The following AGAP1 variants were observed in gnomAD, a reference collection of about 807,000 sequenced individuals.
AGAP1 encodes the protein ArfGAP with GTPase domain, ankyrin repeat and PH domain 1.
A neutral mutation model predicts 105.3 loss-of-function variants in AGAP1; 29 were observed. The observed-to-expected ratio is 0.28, with a 90% CI of 0.21 to 0.38. The LOEUF (loss-of-function observed/expected upper bound fraction) is 0.38, where lower values mean the gene tolerates loss of function less well. Ranked by LOEUF, AGAP1 falls within the 10% of genes least tolerant of loss-of-function variation. The pLI, the probability that AGAP1 is intolerant of heterozygous loss-of-function variation, is 1.00. For missense variants in AGAP1, 998 were observed against 1,165.1 expected (o/e 0.86, Z 2.09); for synonymous variants, 509 against 485.9 (o/e 1.05, Z -0.63).
chr2:235,888,755 G>A lies in AGAP1; in HGVS notation c.1155+5306G>A, dbSNP rs564103718. Among the ~76,000 whole-genome samples, 12 of 151,478 alleles carry A rather than the reference G, an allele frequency of 7.9e-5. No individual in the cohort carries two copies. Among genetic ancestry groups the A allele is most frequent in the South Asian group, 2.1e-4 (1 of 4,806 alleles). ...GGCAGGTACAGCATTTGTTGCTGTC[G>A]GGTAGAGCGGCCACCCACTGCCCCA... On this transcript the variant is annotated intron_variant, in intron 10 of 17. Transcript: ENST00000304032. This position sits in a 1 kb window ranked among gnomAD's most constrained non-coding sequence, Gnocchi z 4.8.
intron 1 of AGAP1, among the ~76,000 whole-genome samples, chr2:235,629,336 GTTTC>G (rs1158759796): frequency 1.3e-5 from 2 of 149,568 alleles, no homozygotes; most frequent in African/African-American, 5.0e-5. Context: ...ATACACCACA[GTTTC>G]TTTATCCACT....
intron 3 of AGAP1, among the ~76,000 whole-genome samples, chr2:235,722,382 T>G (rs528990958): frequency 1.3e-5 from 2 of 152,314 alleles, no homozygotes; most frequent in South Asian, 4.1e-4. Context: ...TACTTTATCC[T>G]AATCATGACC....
Position 236,051,072 on chromosome 2 carries a change from T to C in AGAP1, c.2114+1791T>C, listed in dbSNP as rs1426065240. On this transcript the variant is annotated intron_variant, in intron 16 of 17. Transcript: ENST00000304032. This position sits in a 1 kb window ranked among gnomAD's most constrained non-coding sequence, Gnocchi z 5.9. Reference sequence around the variant, plus strand: ...CCCAAGTGCAGTGGTTGCAGTTAAGTCCCATCTTTTCTTTAGTCACACTGG... The same window carrying C: ...CCCAAGTGCAGTGGTTGCAGTTAAGCCCCATCTTTTCTTTAGTCACACTGG... 2.0e-5 allele frequency among the ~76,000 whole-genome samples: 3 copies of C among 152,190 alleles called. No individual in the cohort carries two copies. Among genetic ancestry groups the C allele is most frequent in the African/African-American group, 7.2e-5 (3 of 41,450 alleles).
intron 1 of AGAP1, among the ~76,000 whole-genome samples, chr2:235,594,883 G>GTTTTTTTT (rs34386154): frequency 1.6e-4 from 18 of 109,904 alleles, no homozygotes; most frequent in East Asian, 2.8e-4. Flanking sequence ...CCAGATTGCT[G>GTTTTTTTT]TTTTTTTTTT....
chr2:235,722,769 T>C (rs994815887), intron 3 of AGAP1, among the ~76,000 whole-genome samples: 1 of 152,164 alleles, frequency 6.6e-6, no homozygotes, highest in Non-Finnish European at 1.5e-5. Context: ...CAGTGTGTGT[T>C]ATATACCTGT....
At chr2:235,630,441 C>T (rs1946790774) in intron 1 of AGAP1, among the ~76,000 whole-genome samples, 1 of 152,176 alleles carries the variant, frequency 6.6e-6, no homozygotes, top group Admixed American at 6.6e-5. Context: ...GAACTCCTGA[C>T]CTCAGGTGAT....
rs1251854732 is a variant in AGAP1 at position 235,553,624 on chromosome 2, C to T, written c.163+58775C>T. On this transcript the variant is annotated intron_variant, in intron 1 of 17. Coordinates refer to ENST00000304032, the MANE Select transcript of AGAP1 (RefSeq NM_001037131.3). The surrounding 1 kb of genome is among the most constrained non-coding windows in gnomAD (Gnocchi z 4.5). ...ATTTGTGCGTGAAGTGGAGCCTGGT[C>T]CCTGGTGACCCAGGTACAGTTTACG... 6.6e-6 allele frequency among the ~76,000 whole-genome samples: 1 copy of T among 151,978 alleles called. No homozygotes were observed. The highest frequency in any genetic ancestry group is 2.4e-5 in the African/African-American group (1 of 41,370).
In AGAP1 at chr2:235,642,145, G is replaced by A. The variant is rs1230815479; in HGVS notation, c.164-67034G>A. Among the ~76,000 whole-genome samples, 1 of 152,212 alleles carries A rather than the reference G, an allele frequency of 6.6e-6. No individual in the cohort carries two copies. Among genetic ancestry groups the A allele is most frequent in the East Asian group, 1.9e-4 (1 of 5,198 alleles). ...GGCCCTCCAGAGGGTGCCCATCCAC[G>A]GAGTGCGGCGCCTGCTCGACTTGGC... On this transcript the variant is annotated intron_variant, in intron 1 of 17. Coordinates refer to ENST00000304032, the MANE Select transcript of AGAP1 (RefSeq NM_001037131.3). The surrounding 1 kb of genome is among the most constrained non-coding windows in gnomAD (Gnocchi z 4.1).
rs1166682219 is a variant in AGAP1, at chr2:235,635,340, G to T, written c.164-73839G>T. On this transcript the variant is annotated intron_variant, in intron 1 of 17. Transcript: ENST00000304032. The surrounding 1 kb of genome is among the most constrained non-coding windows in gnomAD (Gnocchi z 5.3). ...TGAGTGAGCTGCGCACAGTCTCCTT[G>T]TACAAGCAGGACATTTCTCCGTTTC... Among the ~76,000 whole-genome samples the T allele has an allele frequency of 6.6e-6, 1 of 152,142 alleles. No individual in the cohort carries two copies. The highest frequency in any genetic ancestry group is 1.5e-5 in the Non-Finnish European group (1 of 68,036).
At chr2:235,942,312 C>T (rs1412105150) in intron 12 of AGAP1, among the ~76,000 whole-genome samples, 5 of 152,146 alleles carry the variant, frequency 3.3e-5, no homozygotes, top group Admixed American at 6.5e-5. Flanking sequence ...TCTTTGGTTC[C>T]TTTCTCATTT....
intron 1 of AGAP1, among the ~76,000 whole-genome samples, chr2:235,585,876 G>C (rs182470921): frequency 1.3e-5 from 2 of 152,230 alleles, no homozygotes; most frequent in African/African-American, 4.8e-5. Context: ...TGTTTAATTG[G>C]AGCGCCTGGA....
rs1419703254 is a variant in AGAP1 at position 235,883,954 on chromosome 2, G to A, written c.1155+505G>A. Among the ~76,000 whole-genome samples the A allele has an allele frequency of 6.6e-6, 1 of 152,154 alleles. No homozygotes were observed. The highest frequency in any genetic ancestry group is 1.5e-5 in the Non-Finnish European group (1 of 68,026). On this transcript the variant is annotated intron_variant, in intron 10 of 17. Transcript: ENST00000304032. The surrounding 1 kb of genome is among the most constrained non-coding windows in gnomAD (Gnocchi z 4.5). ...CTCTTTGTGTTATATGTAAGTTTAT[G>A]TTACATATAAGTTTGTTATATCCGT...
rs933268799 is a variant in AGAP1 at position 235,705,618 on chromosome 2, G to A, written c.164-3561G>A. ...TTTCGCGAATGTTTTGTTAATTTTCGTTTAGCTTTGTATGAGGCAGCATTC... is the reference window on the plus strand; with the variant it reads ...TTTCGCGAATGTTTTGTTAATTTTCATTTAGCTTTGTATGAGGCAGCATTC... On this transcript the variant is annotated intron_variant, in intron 1 of 17. Transcript: ENST00000304032. The surrounding 1 kb of genome is among the most constrained non-coding windows in gnomAD (Gnocchi z 4.9). 6.6e-5 allele frequency among the ~76,000 whole-genome samples: 10 copies of A among 152,170 alleles called. No homozygotes were observed. Among genetic ancestry groups the A allele is most frequent in the African/African-American group, 1.9e-4 (8 of 41,422 alleles).
rs2059429234 is a variant in AGAP1, at chr2:236,104,235, G to C, written c.2115-15957G>C. On this transcript the variant is annotated intron_variant, in intron 16 of 17. Transcript: ENST00000304032. The surrounding 1 kb of genome is among the most constrained non-coding windows in gnomAD (Gnocchi z 4.7). ...GGTAGGGCCAGGCCTGTTGGCTGCTGTGAGAGATACGCCACCAGGCCAGGC... is the reference window on the plus strand; with the variant it reads ...GGTAGGGCCAGGCCTGTTGGCTGCTCTGAGAGATACGCCACCAGGCCAGGC... 1.3e-5 allele frequency among the ~76,000 whole-genome samples: 2 copies of C among 152,236 alleles called. No individual in the cohort carries two copies. Among genetic ancestry groups the C allele is most frequent in the South Asian group, 4.1e-4 (2 of 4,836 alleles).
chr2:235,949,714 CAA>C (rs2053652173), intron 12 of AGAP1, among the ~76,000 whole-genome samples: 1 of 152,136 alleles, frequency 6.6e-6, no homozygotes, highest in South Asian at 2.1e-4. Context: ...CCTCGTAAAA[CAA>C]AAGCAAAACA....
At position 236,050,707 on chromosome 2, in the gene AGAP1, T is replaced by A. The variant is rs2057872234; in HGVS notation, c.2114+1426T>A. 6.6e-6 allele frequency among the ~76,000 whole-genome samples: 1 copy of A among 152,210 alleles called. No individual in the cohort carries two copies. Among genetic ancestry groups the A allele is most frequent in the Admixed American group, 6.5e-5 (1 of 15,282 alleles). On this transcript the variant is annotated intron_variant, in intron 16 of 17. Coordinates refer to ENST00000304032, the MANE Select transcript of AGAP1 (RefSeq NM_001037131.3). This position sits in a 1 kb window ranked among gnomAD's most constrained non-coding sequence, Gnocchi z 4.0. ...TATATGAATGCAGAAAACATTGAAATAAGCTGGAAAAATCTATGCATCTTA... is the reference window on the plus strand; with the variant it reads ...TATATGAATGCAGAAAACATTGAAAAAAGCTGGAAAAATCTATGCATCTTA...
chr2:235,934,411 C>T lies in AGAP1; in HGVS notation c.1483+3488C>T, dbSNP rs1008520084. ...TCTGTCTGCGCCGAGGGTACCATCC[C>T]GGCGTCCCTCTGGTTCGCGTCATTC... On this transcript the variant is annotated intron_variant, in intron 12 of 17. Coordinates refer to ENST00000304032, the MANE Select transcript of AGAP1 (RefSeq NM_001037131.3). This position sits in a 1 kb window ranked among gnomAD's most constrained non-coding sequence, Gnocchi z 4.9. Among the ~76,000 whole-genome samples the T allele has an allele frequency of 1.3e-4, 20 of 152,294 alleles. No homozygotes were observed. Among genetic ancestry groups the T allele is most frequent in the Middle Eastern group, 3.4e-3 (1 of 294 alleles).
chr2:236,114,168 G>A lies in AGAP1; in HGVS notation c.2115-6024G>A, dbSNP rs78212719. Among the ~76,000 whole-genome samples, 1,619 of 152,238 alleles carry A rather than the reference G, an allele frequency of 0.011. 22 individuals are homozygous for A. The highest frequency in any genetic ancestry group is 0.037 in the African/African-American group (1,543 of 41,532). On this transcript the variant is annotated intron_variant, in intron 16 of 17. Coordinates refer to ENST00000304032, the MANE Select transcript of AGAP1 (RefSeq NM_001037131.3). This position sits in a 1 kb window ranked among gnomAD's most constrained non-coding sequence, Gnocchi z 5.0. ...GTGAACGGTGATCCTCCCGGGGATT[G>A]GAATGAGGGGAGGTGATCTACTGCC...
intron 1 of AGAP1, among the ~76,000 whole-genome samples, chr2:235,519,137 A>G (rs942485150): frequency 6.6e-6 from 1 of 152,184 alleles, no homozygotes; most frequent in African/African-American, 2.4e-5. Flanking sequence ...CAGTGCCACA[A>G]TCGTAGCTCA....
Sources: gnomAD v4.1 joint callset for allele counts (sites outside exome capture counted in the v4.1 genomes callset) on GRCh38, gnomAD v4.1.1 for gene constraint, Gnocchi (gnomAD v3.1) non-coding constraint, MANE v1.5 for transcripts, NCBI Gene and HGNC (gene_info 2026-07-23, HGNC 2026-07-21) for gene names.